The following DSG2 variants were observed in gnomAD, a reference collection of about 807,000 sequenced individuals.
DSG2 encodes the protein desmoglein-2.
DSG2 carries 45 observed loss-of-function variants against 75.6 expected under a neutral mutation model. The observed-to-expected ratio is 0.60, with a 90% CI of 0.47 to 0.76. DSG2 has a LOEUF of 0.76. Ranked by LOEUF, DSG2 falls within the 30% of genes least tolerant of loss-of-function variation. The pLI is 0.00. For synonymous variants in DSG2, 429 were observed against 483.9 expected, an observed-to-expected ratio of 0.89 and a Z score of 1.49; for missense variants, 1,267 against 1,357.4, an observed-to-expected ratio of 0.93 and a Z score of 1.05.
intron 1 of DSG2, 79 bp from the exon 2 acceptor site, chr18:31,518,160 A>G (rs1169871982): frequency 9.0e-7 from 1 of 1,112,976 alleles, no homozygotes; most frequent in Non-Finnish European, 1.4e-6. Flanking sequence ...TATTCAATGC[A>G]GTAGGTTATT....
chr18:31,506,518 G>T (rs1568100924), intron 1 of DSG2, among the ~76,000 whole-genome samples: 1 of 152,104 alleles, frequency 6.6e-6, no homozygotes, highest in Non-Finnish European at 1.5e-5. Context: ...TTAATTTCTG[G>T]TAGTTCCTGC....
At chr18:31,531,691 T>C (rs1333766861) in intron 9 of DSG2, among the ~76,000 whole-genome samples, 2 of 152,250 alleles carry the variant, frequency 1.3e-5, no homozygotes, top group African/African-American at 4.8e-5. Context: ...GCATATATCT[T>C]GGGAATGAAT....
chr18:31,536,402 G>T lies in DSG2; in HGVS notation c.1624G>T (p.Glu542Ter). Residue 542 changes from glutamate (E) to a stop codon, truncating the protein, a stop_gained, in exon 11 of 15, where the codon GAA becomes TAA. Coordinates refer to ENST00000261590, the MANE Select transcript of DSG2 (RefSeq NM_001943.5). LOFTEE classifies it high-confidence loss of function. The stretch of plus-strand genomic sequence containing the variant: ...CATTGACAAACCACCTGGCATGGCA[G>T]AAAAATGGAAAATAGCACGCCAAGA... ...SVIDKPPGMA[E>*]KWKIARQEST... 2 of 1,613,892 alleles carry T rather than the reference G, an allele frequency of 1.2e-6. No homozygotes were observed.
At chr18:31,535,724 G>A (rs2073225883) in intron 10 of DSG2, among the ~76,000 whole-genome samples, 1 of 151,270 alleles carries the variant, frequency 6.6e-6, no homozygotes, top group African/African-American at 2.4e-5. Context: ...AACCCAGGAG[G>A]TAGAGGAGCG....
At chr18:31,533,402 G>A (rs1000937456) in intron 9 of DSG2, among the ~76,000 whole-genome samples, 1 of 152,146 alleles carries the variant, frequency 6.6e-6, no homozygotes, top group Non-Finnish European at 1.5e-5. Context: ...CTTAAGCCTA[G>A]GAGTTCAAGG....
At chr18:31,528,124 G>A (rs2096918) in intron 8 of DSG2, among the ~76,000 whole-genome samples, 34,953 of 152,164 alleles carry the variant, frequency 0.23, 4,368 homozygotes, top group East Asian at 0.3. Flanking sequence ...GTAACATGAT[G>A]CAGGCAGTTT....
At chr18:31,511,620 A>G (rs562309412) in intron 1 of DSG2, among the ~76,000 whole-genome samples, 3 of 152,266 alleles carry the variant, frequency 2.0e-5, no homozygotes, top group East Asian at 1.9e-4. Flanking sequence ...AGTCCATAAC[A>G]CCTTACTAAA....
At chr18:31,524,377 G>T in intron 6 of DSG2, 71 bp from the exon 7 acceptor site, 1 of 1,600,242 alleles carries the variant, frequency 6.2e-7, no homozygotes, top group Non-Finnish European at 8.6e-7. Flanking sequence ...TGATAAACTG[G>T]ACTAAAACCA....
chr18:31,532,143 T>C (rs2144334510), intron 9 of DSG2, among the ~76,000 whole-genome samples: 1 of 152,254 alleles, frequency 6.6e-6, no homozygotes, highest in East Asian at 1.9e-4. Flanking sequence ...CCAAGTAATT[T>C]ATAAACAGCA....
chr18:31,519,468 G>A (rs2073114124), intron 2 of DSG2, among the ~76,000 whole-genome samples: 1 of 152,152 alleles, frequency 6.6e-6, no homozygotes, highest in African/African-American at 2.4e-5. Context: ...GGAGGCTGAG[G>A]CAGGAAGATG....
intron 1 of DSG2, among the ~76,000 whole-genome samples, chr18:31,501,022 A>G (rs1162730644): frequency 2.6e-5 from 4 of 152,214 alleles, no homozygotes; most frequent in Non-Finnish European, 5.9e-5. Flanking sequence ...TTTACATCTT[A>G]TGGTGATCTC....
intron 1 of DSG2, among the ~76,000 whole-genome samples, chr18:31,511,361 C>T (rs2073065772): frequency 6.6e-6 from 1 of 152,190 alleles, no homozygotes; most frequent in Non-Finnish European, 1.5e-5. Flanking sequence ...CGTCTCCAGA[C>T]ATTACCAAAT....
At chr18:31,545,563 C>G (rs954969652) in intron 14 of DSG2, among the ~76,000 whole-genome samples, 158 bp from the exon 15 acceptor site, 1 of 152,006 alleles carries the variant, frequency 6.6e-6, no homozygotes, top group Non-Finnish European at 1.5e-5. Context: ...CCAGTTGTGT[C>G]GTAGGATCTC....
chr18:31,514,730 G>A (rs1405829327), intron 1 of DSG2, among the ~76,000 whole-genome samples: 1 of 152,182 alleles, frequency 6.6e-6, no homozygotes, highest in Non-Finnish European at 1.5e-5. Context: ...AAGGTCCCCA[G>A]TGAACAAAAT....
At position 31,509,264 on chromosome 18, in the gene DSG2, A is replaced by G. The variant is rs142292564; in HGVS notation, c.46-8975A>G. Among the ~76,000 whole-genome samples, 1,122 of 152,328 alleles carry G rather than the reference A, an allele frequency of 7.4e-3. 40 individuals carry two copies. The highest frequency in any genetic ancestry group is 0.065 in the Admixed American group (996 of 15,308). ...CTTCCTCTTTGTAACTAACTTCAAT[A>G]TGACTCACCTAAAATCATATTTGTT... On this transcript the variant is annotated intron_variant, in intron 1 of 14. Coordinates refer to ENST00000261590, the MANE Select transcript of DSG2 (RefSeq NM_001943.5).
intron 6 of DSG2, chr18:31,522,503 C>A: frequency 3.2e-6 from 1 of 312,610 alleles, no homozygotes; most frequent in Non-Finnish European, 6.0e-6. Flanking sequence ...ATTTGAAAAA[C>A]TTAATATGAA....
Position 31,531,028 on chromosome 18 carries a change from T to A in DSG2, c.1056T>A (p.Val352=), listed in dbSNP as rs969901158. Reference sequence around the variant, plus strand: ...AAATGAAGAATCTTGACTTCAGTGTTATTGTCGCTAATAAAGCAGCTTTTC... The same window carrying A: ...AAATGAAGAATCTTGACTTCAGTGTAATTGTCGCTAATAAAGCAGCTTTTC... The part of the protein sequence containing the change: ...YEEMKNLDFS[V]IVANKAAFHK... Residue 352 remains valine (V), a synonymous_variant, in exon 9 of 15, where the codon GTT becomes GTA. Transcript: ENST00000261590. 2 of 1,614,028 alleles carry A rather than the reference T, an allele frequency of 1.2e-6. No homozygotes were observed. The highest frequency in any genetic ancestry group is 1.7e-6 in the Non-Finnish European group (2 of 1,180,012).
At chr18:31,520,625 C>G (rs2073122118) in intron 3 of DSG2, among the ~76,000 whole-genome samples, 178 bp from the exon 4 acceptor site, 2 of 152,152 alleles carry the variant, frequency 1.3e-5, no homozygotes, top group South Asian at 4.1e-4. Context: ...ACTGCCATTC[C>G]CCTAGTCCAA....
chr18:31,509,090 G>A (rs1012801859), intron 1 of DSG2, among the ~76,000 whole-genome samples: 4 of 152,052 alleles, frequency 2.6e-5, no homozygotes, highest in African/African-American at 9.7e-5. Context: ...CCTATGTCAA[G>A]GGAAAAAATA....
Sources: allele counts gnomAD v4.1 joint callset (sites outside exome capture counted in the v4.1 genomes callset), GRCh38; gene constraint gnomAD v4.1.1; transcripts MANE v1.5; gene names NCBI Gene and HGNC (gene_info 2026-07-23, HGNC 2026-07-21).